IL1F10: variants seen among roughly 807,000 people sequenced by gnomAD.
IL1F10 encodes interleukin 1 family member 10.
Under a neutral mutation model 13.1 loss-of-function variants are expected in IL1F10, and 13 were observed. The ratio of observed to expected loss-of-function variants is 0.99; its 90% CI spans 0.64 to 1.57. The LOEUF (loss-of-function observed/expected upper bound fraction) is 1.57, where lower values mean the gene tolerates loss of function less well. Among genes scored for constraint, IL1F10 ranks in the 40% most tolerant of loss-of-function variants. The pLI is 0.00. For missense variants in IL1F10, 191 were observed against 184.1 expected (o/e 1.04, Z -0.22); for synonymous variants, 78 against 68.2 (o/e 1.14, Z -0.71).
In IL1F10 at chr2:113,075,786, C is replaced by T. The variant is rs1685933935; in HGVS notation, c.*422C>T. 1 of 154,040 alleles carries T rather than the reference C, an allele frequency of 6.5e-6. No homozygotes were observed. Among genetic ancestry groups the T allele is most frequent in the African/African-American group, 2.4e-5 (1 of 41,524 alleles). 9.5% of individuals were successfully genotyped at this position (154,040 alleles called of 1,614,324 possible). The stretch of plus-strand genomic sequence containing the variant: ...ACACATGGATTTCAGCTCAGTGACA[C>T]CCATTTCAGACTTCTGACCTCCACA... On this transcript the variant is annotated 3_prime_UTR_variant, in exon 5 of 5. Coordinates refer to ENST00000341010, the MANE Select transcript of IL1F10 (RefSeq NM_173161.3).
intron 1 of IL1F10, among the ~76,000 whole-genome samples, chr2:113,068,344 T>G (rs939437765): frequency 6.6e-6 from 1 of 150,490 alleles, no homozygotes; most frequent in African/African-American, 2.4e-5. Flanking sequence ...TGTTTTCGTT[T>G]TTTTTTTTTT....
At chr2:113,073,749 A>C (rs1311924590) in intron 2 of IL1F10, among the ~76,000 whole-genome samples, 2 of 152,158 alleles carry the variant, frequency 1.3e-5, no homozygotes, top group Non-Finnish European at 2.9e-5. Flanking sequence ...ATTTGTCCAG[A>C]GGTTCTGCCC....
chr2:113,070,722 C>T (rs1223404741), intron 1 of IL1F10, among the ~76,000 whole-genome samples: 2 of 152,206 alleles, frequency 1.3e-5, no homozygotes, highest in African/African-American at 4.8e-5. Flanking sequence ...GCATTGACAT[C>T]ACCTGGTTGC....
intron 3 of IL1F10, 74 bp from the exon 4 acceptor site, chr2:113,074,649 T>C: frequency 6.3e-7 from 1 of 1,575,734 alleles, no homozygotes; most frequent in Non-Finnish European, 8.7e-7. Flanking sequence ...CCTTCCTGCC[T>C]GAGCCTTTAC....
At chr2:113,071,567 G>C (rs898902967) in intron 1 of IL1F10, among the ~76,000 whole-genome samples, 46 of 152,116 alleles carry the variant, frequency 3.0e-4, no homozygotes, top group African/African-American at 1.1e-3. Flanking sequence ...ATACCCCAAG[G>C]CCTGGGGACA....
At chr2:113,069,017 T>C (rs900709304) in intron 1 of IL1F10, among the ~76,000 whole-genome samples, 21 of 152,152 alleles carry the variant, frequency 1.4e-4, no homozygotes, top group African/African-American at 4.8e-4. Context: ...GGTAATTAAT[T>C]TGATAGAACT....
intron 1 of IL1F10, among the ~76,000 whole-genome samples, chr2:113,069,250 C>T (rs1867832): frequency 0.77 from 117,545 of 151,926 alleles, 46,260 homozygotes; most frequent in East Asian, 0.93. Context: ...CAGTGCCAGA[C>T]GGTGACAAAA....
At chr2:113,073,908 G>A (rs1008368174) in intron 2 of IL1F10, among the ~76,000 whole-genome samples, 13 of 138,554 alleles carry the variant, frequency 9.4e-5, no homozygotes, top group African/African-American at 3.6e-4. Flanking sequence ...CTCAATCTCT[G>A]TACTAAAGAG....
chr2:113,075,087 A>T (rs979175731), intron 4 of IL1F10, 65 bp from the exon 5 acceptor site: 1 of 1,460,462 alleles, frequency 6.8e-7, no homozygotes, highest in African/African-American at 1.4e-5. Flanking sequence ...CAAGCCCCAG[A>T]GGCCTCCAGG....
chr2:113,074,424 T>C lies in IL1F10; in HGVS notation c.118+10T>C, dbSNP rs765723447. ...GACAACTGCTGTGCAGGTGAGCTTCTGGGGCCTCCACCCCATGCTCCATCT... is the reference window on the plus strand; with the variant it reads ...GACAACTGCTGTGCAGGTGAGCTTCCGGGGCCTCCACCCCATGCTCCATCT... On this transcript the variant is annotated intron_variant, in intron 3 of 4. Coordinates refer to ENST00000341010, the MANE Select transcript of IL1F10 (RefSeq NM_173161.3). 2.1e-5 allele frequency: 34 copies of C among 1,604,340 alleles called. No individual in the cohort carries two copies. In the South Asian group the frequency reaches 3.3e-4, roughly 16 times the overall value.
intron 2 of IL1F10, among the ~76,000 whole-genome samples, chr2:113,072,977 A>G (rs746307218): frequency 6.6e-6 from 1 of 152,212 alleles, no homozygotes; most frequent in Admixed American, 6.5e-5. Flanking sequence ...TCTCTGTTCC[A>G]AAAAGTCTGT....
chr2:113,069,557 G>A, intron 1 of IL1F10, among the ~76,000 whole-genome samples: 1 of 152,202 alleles, frequency 6.6e-6, no homozygotes, highest in Non-Finnish European at 1.5e-5. Flanking sequence ...GAAATTGGGA[G>A]GAATGTGTGG....
At chr2:113,070,290 C>T (rs1022158093) in intron 1 of IL1F10, among the ~76,000 whole-genome samples, 1 of 152,168 alleles carries the variant, frequency 6.6e-6, no homozygotes, top group Non-Finnish European at 1.5e-5. Flanking sequence ...CCCTTACTCA[C>T]TTCATCACAA....
In IL1F10 at chr2:113,074,785, A is replaced by T; in HGVS notation, c.181A>T (p.Ile61Phe). ...ARTKVPIFLG[I>F]QGGSRCLACV... The stretch of plus-strand genomic sequence containing the variant: ...CACCAAGGTCCCCATTTTCCTGGGG[A>T]TCCAGGGAGGGAGCCGCTGCCTGGC... The change falls in exon 4 of 5, where the codon ATC becomes TTC. Residue 61 changes from isoleucine (I) to phenylalanine (F), a missense_variant. Transcript: ENST00000341010. The T allele has an allele frequency of 6.2e-7, 1 of 1,613,810 alleles. No individual in the cohort carries two copies. The highest frequency in any genetic ancestry group is 8.5e-7 in the Non-Finnish European group (1 of 1,179,924).
chr2:113,075,122 A>G (rs1685913887), intron 4 of IL1F10, 30 bp from the exon 5 acceptor site: 4 of 1,569,836 alleles, frequency 2.5e-6, no homozygotes, highest in Middle Eastern at 1.7e-4. Flanking sequence ...CAGCACTCTC[A>G]TTCTGCAGCC....
rs368649703 is a variant in IL1F10 at position 113,074,322 on chromosome 2, G to A, written c.33-7G>A. 265 of 1,597,296 alleles carry A rather than the reference G, an allele frequency of 1.7e-4. No individual in the cohort carries two copies. The highest frequency in any genetic ancestry group is 2.2e-4 in the Non-Finnish European group (258 of 1,165,032). ...AATGGGCCATCAGCACTGTCATACT[G>A]TTTCAGAATTAAATATGCAGACCAG... On this transcript the variant is annotated splice_region_variant and splice_polypyrimidine_tract_variant and intron_variant, in intron 2 of 4. Coordinates refer to ENST00000341010, the MANE Select transcript of IL1F10 (RefSeq NM_173161.3).
chr2:113,069,985 G>A (rs1265758527), intron 1 of IL1F10, among the ~76,000 whole-genome samples: 1 of 152,234 alleles, frequency 6.6e-6, no homozygotes, highest in Non-Finnish European at 1.5e-5. Context: ...AATGATGAAG[G>A]ATAGGACAGG....
At chr2:113,072,678 C>T (rs1685859956) in intron 1 of IL1F10, 33 bp from the exon 2 acceptor site, 9 of 1,514,438 alleles carry the variant, frequency 5.9e-6, no homozygotes, top group Non-Finnish European at 8.2e-6. Context: ...ACCCAGCCTC[C>T]TTTTCTAACT....
rs1317725583 is a variant in IL1F10 at position 113,072,491 on chromosome 2, T to C, written c.-28-220T>C. On this transcript the variant is annotated intron_variant, in intron 1 of 4. Coordinates refer to ENST00000341010, the MANE Select transcript of IL1F10 (RefSeq NM_173161.3). ...ACACATCCCAGGCTCACACCCCTGG[T>C]GGCTGGACTTGCTCCCGGATAGCCT... is the stretch of plus-strand genomic sequence containing the variant. 5.9e-6 allele frequency: 3 copies of C among 505,362 alleles called. No individual in the cohort carries two copies. The Admixed American group carries it at 1.1e-4, about 19-fold the overall frequency. 31.3% of individuals were successfully genotyped at this position (505,362 alleles called of 1,614,324 possible).
Sources: gnomAD v4.1 joint callset for allele counts (sites outside exome capture counted in the v4.1 genomes callset) on GRCh38, gnomAD v4.1.1 for gene constraint, MANE v1.5 for transcripts, NCBI Gene and HGNC (gene_info 2026-07-23, HGNC 2026-07-21) for gene names.